Variants in PSD observed in about 807,000 individuals in gnomAD.
PSD encodes pleckstrin and Sec7 domain containing.
Under a neutral mutation model 91.6 loss-of-function variants are expected in PSD, and 32 were observed. The observed-to-expected ratio is 0.35, with a 90% CI of 0.26 to 0.47. The LOEUF (loss-of-function observed/expected upper bound fraction) is 0.47, where lower values mean the gene tolerates loss of function less well. Ranked by LOEUF, PSD falls within the 20% of genes least tolerant of loss-of-function variation. PSD has a pLI of 1.00. For synonymous variants in PSD, 532 were observed against 569.3 expected (o/e 0.93, Z 0.93); for missense variants, 1,099 against 1,373.9 (o/e 0.80, Z 3.16).
upstream of PSD, chr10:102,419,741 C>CA (rs975782378): frequency 6.1e-6 from 1 of 164,930 alleles, no homozygotes; most frequent in East Asian, 1.9e-4. The surrounding 1 kb of genome is among the most constrained non-coding windows in gnomAD (Gnocchi z 4.8). Context: ...GAGGCGCGAA[C>CA]AAAGAGGGGA....
In PSD at chr10:102,407,264, G is replaced by C; in HGVS notation, c.2094C>G (p.Ala698=). ...GGDFPRELLK[A]LYSSIKNEKL... The stretch of plus-strand genomic sequence containing the variant: ...TCTCATTCTTGATGGAGCTGTACAA[G>C]GCCTGGGGGGTGGGGGGAACAAATT... Residue 698 remains alanine (A), a splice_region_variant and synonymous_variant, in exon 11 of 17, where the codon GCC becomes GCG. Transcript: ENST00000020673. The C allele has an allele frequency of 6.3e-7, 1 of 1,589,294 alleles. No homozygotes were observed. The highest frequency in any genetic ancestry group is 8.6e-7 in the Non-Finnish European group (1 of 1,167,552).
rs2135446932 is a variant in PSD at position 102,403,581 on chromosome 10, G to T, written c.2845-151C>A. ...TCCCATGCGGGCTGGTGCCCCCTCT[G>T]GGCTCTCCTGGGACCATCATCTATA... On this transcript the variant is annotated intron_variant, in intron 16 of 16. Transcript: ENST00000020673. This position sits in a 1 kb window ranked among gnomAD's most constrained non-coding sequence, Gnocchi z 6.7. 1.2e-6 allele frequency: 1 copy of T among 849,230 alleles called. No individual in the cohort carries two copies. The highest frequency in any genetic ancestry group is 1.8e-6 in the Non-Finnish European group (1 of 562,588). 52.6% of individuals were successfully genotyped at this position (849,230 alleles called of 1,614,324 possible).
intron 3 of PSD, 97 bp from the exon 4 acceptor site, chr10:102,415,326 A>AC: frequency 1.4e-6 from 2 of 1,402,706 alleles, no homozygotes; most frequent in East Asian, 2.4e-5. Flanking sequence ...TCATATTGAC[A>AC]GGAAGTTCTT....
At position 102,410,399 on chromosome 10, in the gene PSD, G is replaced by A. The variant is rs1336127606; in HGVS notation, c.2091+459C>T. Among the ~76,000 whole-genome samples, 1 of 152,236 alleles carries A rather than the reference G, an allele frequency of 6.6e-6. No individual in the cohort carries two copies. The highest frequency in any genetic ancestry group is 1.5e-5 in the Non-Finnish European group (1 of 68,040). On this transcript the variant is annotated intron_variant, in intron 10 of 16. Transcript: ENST00000020673. The surrounding 1 kb of genome is among the most constrained non-coding windows in gnomAD (Gnocchi z 6.0). ...CTTGGAAAAGCTTAGTCCCTCTCAGGCCCCTCTCCCTCCGGGTTCCTGCAG... is the reference window on the plus strand; with the variant it reads ...CTTGGAAAAGCTTAGTCCCTCTCAGACCCCTCTCCCTCCGGGTTCCTGCAG...
intron 3 of PSD, 127 bp from the exon 4 acceptor site, chr10:102,415,356 C>T (rs2061467151): frequency 8.8e-7 from 1 of 1,131,698 alleles, no homozygotes; most frequent in Non-Finnish European, 1.2e-6. Context: ...AGCCACCATT[C>T]CTCCTGCTAC....
chr10:102,416,978 A>T lies in PSD; in HGVS notation c.61T>A (p.Cys21Ser). Residue 21 changes from cysteine to serine, a missense_variant, in exon 2 of 17, where the codon TGC becomes AGC. Cys to Ser is a moderately radical substitution (Grantham distance 112, BLOSUM62 -1). Transcript: ENST00000020673. The surrounding 1 kb of genome is among the most constrained non-coding windows in gnomAD (Gnocchi z 6.0). ...CCTTCGGGGAGCCAGCGGCGTGGGCATCGTGGTGGGGAGATGGCACAGTCG... is the reference window on the plus strand; with the variant it reads ...CCTTCGGGGAGCCAGCGGCGTGGGCTTCGTGGTGGGGAGATGGCACAGTCG... Reference protein sequence around the residue: ...EGDCAISPPRCPRRWLPEGPV... With the variant: ...EGDCAISPPRSPRRWLPEGPV... The T allele has an allele frequency of 6.3e-7, 1 of 1,598,984 alleles. No homozygotes were observed. The highest frequency in any genetic ancestry group is 1.3e-5 in the African/African-American group (1 of 74,682).
At chr10:102,413,552 A>C (rs1240327309) in intron 5 of PSD, among the ~76,000 whole-genome samples, 1 of 152,102 alleles carries the variant, frequency 6.6e-6, no homozygotes, top group African/African-American at 2.4e-5. Flanking sequence ...TTCTCAAGCC[A>C]CTGGACTTGA....
In PSD at chr10:102,411,083, A is replaced by C. The variant is rs1183956817; in HGVS notation, c.1976T>G (p.Leu659Arg). 1 of 1,612,386 alleles carries C rather than the reference A, an allele frequency of 6.2e-7. No homozygotes were observed. The highest frequency in any genetic ancestry group is 1.1e-5 in the South Asian group (1 of 91,012). ...ATGGCCGTGGAGATCCGTGTTGAGCAGCATGAGCGCACAGGTCAGCGTGTG... is the reference window on the plus strand; with the variant it reads ...ATGGCCGTGGAGATCCGTGTTGAGCCGCATGAGCGCACAGGTCAGCGTGTG... ...GAHTLTCALM[L>R]LNTDLHGHNI... Residue 659 changes from leucine (L) to arginine (R), a missense_variant, in exon 9 of 17, where the codon CTG becomes CGG. This residue lies in a region of PSD where 110 missense variants were observed against 218.7 expected (regional missense o/e 0.50). Transcript: ENST00000020673.
Position 102,414,317 on chromosome 10 carries a change from G to T in PSD, c.1125-120C>A. ...TATCATCCCCTTTTCACTGGCTCCA[G>T]CCCACTAACAAAAAAGAGCCTCTAG... On this transcript the variant is annotated intron_variant, in intron 4 of 16. Transcript: ENST00000020673. This position sits in a 1 kb window ranked among gnomAD's most constrained non-coding sequence, Gnocchi z 5.6. 1 of 1,027,826 alleles carries T rather than the reference G, an allele frequency of 9.7e-7. No homozygotes were observed. Among genetic ancestry groups the T allele is most frequent in the Non-Finnish European group, 1.4e-6 (1 of 711,786 alleles). The allele number at this position is 1,027,826 out of a possible 1,614,324, so 63.7% of individuals were successfully genotyped here.
chr10:102,414,466 T>C lies in PSD; in HGVS notation c.1125-269A>G, dbSNP rs1355997419. On this transcript the variant is annotated intron_variant, in intron 4 of 16. Transcript: ENST00000020673. The surrounding 1 kb of genome is among the most constrained non-coding windows in gnomAD (Gnocchi z 5.6). The stretch of plus-strand genomic sequence containing the variant: ...CCTTTTCCGTGATCCGCTTCCCTTC[T>C]GCCATCCCATTTCTATTTCTAGCAA... Among the ~76,000 whole-genome samples the C allele has an allele frequency of 6.6e-6, 1 of 151,840 alleles. No homozygotes were observed. The highest frequency in any genetic ancestry group is 6.6e-5 in the Admixed American group (1 of 15,262).
At chr10:102,411,185 C>G (rs1427981630) in intron 8 of PSD, 69 bp from the exon 9 acceptor site, 1 of 1,471,186 alleles carries the variant, frequency 6.8e-7, no homozygotes, top group East Asian at 2.3e-5. Flanking sequence ...CTTCCCCAAC[C>G]TCCCATTTCA....
Position 102,409,202 on chromosome 10 carries a change from C to G in PSD, c.2091+1656G>C. On this transcript the variant is annotated intron_variant, in intron 10 of 16. Coordinates refer to ENST00000020673, the MANE Select transcript of PSD (RefSeq NM_002779.5). This position sits in a 1 kb window ranked among gnomAD's most constrained non-coding sequence, Gnocchi z 5.7. Reference sequence around the variant, plus strand: ...CTCCCCCGACAGCCAGCGCGAGCGGCGCGGCCCGGCCCGAGCCGGCCCGGC... The same window carrying G: ...CTCCCCCGACAGCCAGCGCGAGCGGGGCGGCCCGGCCCGAGCCGGCCCGGC... The G allele has an allele frequency of 1.0e-6, 1 of 982,172 alleles. No homozygotes were observed. Among genetic ancestry groups the G allele is most frequent in the Non-Finnish European group, 1.2e-6 (1 of 828,722 alleles). 60.8% of individuals were successfully genotyped at this position (982,172 alleles called of 1,614,324 possible). A position where few individuals can be genotyped will look rare whatever the true frequency, so the allele number is the denominator to read the frequency against.
In PSD at chr10:102,411,728, G is replaced by C. The variant is rs1229122723; in HGVS notation, c.1921C>G (p.Pro641Ala). The change falls in exon 8 of 17, where the codon CCT becomes GCT. Residue 641 changes from proline (P) to alanine (A), a missense_variant. This residue lies in a region of PSD where 110 missense variants were observed against 218.7 expected (regional missense o/e 0.50). Coordinates refer to ENST00000020673, the MANE Select transcript of PSD (RefSeq NM_002779.5). ...TCACCCTCTGAGGACAGGGCTTCAG[G>C]ATTGCACTGGAAGTATCGCTGGGAG... is the stretch of plus-strand genomic sequence containing the variant. ...HFSQRYFQCN[P>A]EALSSEDGAH... The C allele has an allele frequency of 6.2e-7, 1 of 1,613,502 alleles. No homozygotes were observed. The highest frequency in any genetic ancestry group is 2.2e-5 in the East Asian group (1 of 44,870).
At chr10:102,406,799 C>G (rs959225694) in intron 11 of PSD, among the ~76,000 whole-genome samples, 1 of 152,246 alleles carries the variant, frequency 6.6e-6, no homozygotes, top group African/African-American at 2.4e-5. Context: ...GCCACCTCGC[C>G]TGGCCGAGTA....
Position 102,409,122 on chromosome 10 carries a change from G to T in PSD, c.2091+1736C>A. On this transcript the variant is annotated intron_variant, in intron 10 of 16. Coordinates refer to ENST00000020673, the MANE Select transcript of PSD (RefSeq NM_002779.5). This position sits in a 1 kb window ranked among gnomAD's most constrained non-coding sequence, Gnocchi z 5.7. ...GCCCGGCCGGCGCGCCGCGGCCCCC[G>T]GCCATGCCCCCGTCCGCCCTCGGCC... 1.0e-6 allele frequency: 1 copy of T among 981,502 alleles called. No homozygotes were observed. Among genetic ancestry groups the T allele is most frequent in the Non-Finnish European group, 1.2e-6 (1 of 828,520 alleles). 60.8% of individuals were successfully genotyped at this position (981,502 alleles called of 1,614,324 possible).
chr10:102,409,647 G>C lies in PSD; in HGVS notation c.2091+1211C>G, dbSNP rs2061405121. On this transcript the variant is annotated intron_variant, in intron 10 of 16. Coordinates refer to ENST00000020673, the MANE Select transcript of PSD (RefSeq NM_002779.5). This position sits in a 1 kb window ranked among gnomAD's most constrained non-coding sequence, Gnocchi z 5.7. The stretch of plus-strand genomic sequence containing the variant: ...CCTGGCCTCATCCAGCTCACCCGCA[G>C]ATACCCCACCCATATATAGATCTGA... Among the ~76,000 whole-genome samples, 1 of 152,042 alleles carries C rather than the reference G, an allele frequency of 6.6e-6. No homozygotes were observed. Among genetic ancestry groups the C allele is most frequent in the Admixed American group, 6.5e-5 (1 of 15,274 alleles).
Position 102,410,854 on chromosome 10 carries a change from C to T in PSD, c.2091+4G>A. 6.2e-7 allele frequency: 1 copy of T among 1,611,618 alleles called. No homozygotes were observed. The highest frequency in any genetic ancestry group is 2.2e-5 in the East Asian group (1 of 44,854). On this transcript the variant is annotated splice_donor_region_variant and intron_variant, in intron 10 of 16. Coordinates refer to ENST00000020673, the MANE Select transcript of PSD (RefSeq NM_002779.5). This position sits in a 1 kb window ranked among gnomAD's most constrained non-coding sequence, Gnocchi z 6.0. ...AGCGACTTCTACCCTGCCCCGCCCC[C>T]CACCTTGAGCAGCTCCCTAGGGAAG...
intron 1 of PSD, among the ~76,000 whole-genome samples, chr10:102,418,276 T>A (rs2061509629): frequency 6.6e-6 from 1 of 151,954 alleles, no homozygotes; most frequent in Non-Finnish European, 1.5e-5. Flanking sequence ...ACACACACCA[T>A]CATCAAACAG....
At position 102,416,567 on chromosome 10, in the gene PSD, G is replaced by T; in HGVS notation, c.472C>A (p.Pro158Thr). 1.2e-6 allele frequency: 2 copies of T among 1,600,724 alleles called. No individual in the cohort carries two copies. Among genetic ancestry groups the T allele is most frequent in the Non-Finnish European group, 1.7e-6 (2 of 1,173,248 alleles). ...GCCGAGCCTCCTCTGGCGGGGAGTG[G>T]GTCTGATGTGGATGCTTCCAGCCGT... ...KLRLEASTSDPLPARGGSALP... is the reference protein window; with the variant it reads ...KLRLEASTSDTLPARGGSALP... The change falls in exon 2 of 17, where the codon CCA becomes ACA. Residue 158 changes from proline (P) to threonine (T), a missense_variant. By Grantham distance (38) the Pro-to-Thr change is conservative. Coordinates refer to ENST00000020673, the MANE Select transcript of PSD (RefSeq NM_002779.5). This position sits in a 1 kb window ranked among gnomAD's most constrained non-coding sequence, Gnocchi z 6.0.
Sources: gnomAD v4.1 joint callset for allele counts (sites outside exome capture counted in the v4.1 genomes callset) on GRCh38, gnomAD v4.1.1 for gene constraint, gnomAD v4.1.1 regional missense constraint, Gnocchi (gnomAD v3.1) non-coding constraint, MANE v1.5 for transcripts, NCBI Gene and HGNC (gene_info 2026-07-23, HGNC 2026-07-21) for gene names.